OR4D2: variants seen among roughly 807,000 people sequenced by gnomAD.
OR4D2 encodes the protein olfactory receptor 4D2.
In OR4D2, 9 loss-of-function variants were observed where a neutral mutation model predicts 12.4. The observed-to-expected ratio is 0.73, with a 90% CI of 0.44 to 1.27. The LOEUF is 1.27. Ranked by LOEUF, OR4D2 falls within the 50% of genes most tolerant of loss-of-function variation. OR4D2 has a pLI of 0.00. For synonymous variants in OR4D2, 151 were observed against 151.1 expected (o/e 1.00, Z 0.01); for missense variants, 373 against 381.6 (o/e 0.98, Z 0.19).
At chr17:58,168,466 C>T (rs1468895114) in intron 1 of OR4D2, among the ~76,000 whole-genome samples, 1 of 152,142 alleles carries the variant, frequency 6.6e-6, no homozygotes, top group African/African-American at 2.4e-5. Flanking sequence ...CCTCCGCCTC[C>T]CAAATTTCTG....
chr17:58,170,317 T>A lies in OR4D2; in HGVS notation c.662T>A (p.Ile221Asn). The change falls in exon 2 of 2, where the codon ATC (isoleucine) becomes AAC (asparagine). Residue 221 changes from isoleucine (I) to asparagine (N), a missense_variant. By Grantham distance (149) the Ile-to-Asn change is moderately radical. Coordinates refer to ENST00000545221, the MANE Select transcript of OR4D2 (RefSeq NM_001004707.4). ...FFLLLMSYLF[I>N]LVMLRSHPGE... ...CTCCTCCTGATGTCCTACTTATTCA[T>A]CCTGGTGATGCTGAGGTCACATCCA... 1.2e-6 allele frequency: 2 copies of A among 1,614,212 alleles called. No individual in the cohort carries two copies. The highest frequency in any genetic ancestry group is 2.2e-5 in the South Asian group (2 of 91,084).
rs148329869 is a variant in OR4D2, at chr17:58,170,452, C to T, written c.797C>T (p.Pro266Leu). Residue 266 changes from proline (P) to leucine (L), a missense_variant, in exon 2 of 2, where the codon CCT (proline) becomes CTT (leucine). Physicochemically the swap from Pro to Leu is moderately conservative, Grantham distance 98. Coordinates refer to ENST00000545221, the MANE Select transcript of OR4D2 (RefSeq NM_001004707.4). The part of the protein sequence containing the change: ...YLYARPFTPF[P>L]MDKLVSIGHT... ...TATGCCCGGCCCTTCACTCCATTCCCTATGGACAAGCTTGTGTCCATCGGC... is the reference window on the plus strand; with the variant it reads ...TATGCCCGGCCCTTCACTCCATTCCTTATGGACAAGCTTGTGTCCATCGGC... 181 of 1,614,204 alleles carry T rather than the reference C, an allele frequency of 1.1e-4. No individual in the cohort carries two copies. The African/African-American group carries it at 2.2e-3, about 19-fold the overall frequency.
chr17:58,167,999 C>CA (rs1165311786), intron 1 of OR4D2, among the ~76,000 whole-genome samples: 2,814 of 39,188 alleles, frequency 0.072, 280 homozygotes, highest in Non-Finnish European at 0.085. Context: ...GACTCCGTCA[C>CA]AAAAAAAAAA....
chr17:58,167,951 G>A (rs1967909191), intron 1 of OR4D2, among the ~76,000 whole-genome samples: 2 of 138,102 alleles, frequency 1.4e-5, no homozygotes, highest in Admixed American at 7.5e-5. Context: ...TGCAGTGAGT[G>A]AGCCGAGATC....
At chr17:58,168,503 C>T (rs1384360741) in intron 1 of OR4D2, among the ~76,000 whole-genome samples, 26 of 152,180 alleles carry the variant, frequency 1.7e-4, no homozygotes. Context: ...CCACCTCTCC[C>T]GGCTCCTCCA....
rs1270661756 is a variant in OR4D2 at position 58,167,541 on chromosome 17, TGAGA to T, written c.-19+494_-19+497del. 3.3e-5 allele frequency among the ~76,000 whole-genome samples: 5 copies of T among 152,290 alleles called. No individual in the cohort carries two copies. The East Asian group carries it at 9.6e-4, about 29-fold the overall frequency. On this transcript the variant is annotated intron_variant, in intron 1 of 1. Coordinates refer to ENST00000545221, the MANE Select transcript of OR4D2 (RefSeq NM_001004707.4). ...TTTTTTATAGTCTTGTATGAAATGC[TGAGA>T]GAGAGTTGCATGCACGTATGTAGGT... is the stretch of plus-strand genomic sequence containing the variant.
chr17:58,170,099 C>T lies in OR4D2; in HGVS notation c.444C>T (p.Thr148=). 1.2e-6 allele frequency: 2 copies of T among 1,614,118 alleles called. No homozygotes were observed. The highest frequency in any genetic ancestry group is 1.7e-6 in the Non-Finnish European group (2 of 1,180,016). ...TQLWVGLVVA[T]WVGGFVHSIV... The stretch of plus-strand genomic sequence containing the variant: ...TCTGGGTGGGGCTGGTGGTAGCCAC[C>T]TGGGTGGGAGGCTTTGTCCACTCTA... The change falls in exon 2 of 2, where the codon ACC becomes ACT. Residue 148 remains threonine, a synonymous_variant. Transcript: ENST00000545221.
In OR4D2 at chr17:58,170,894, T is replaced by C. The variant is rs1167535212; in HGVS notation, c.*315T>C. 1 of 369,546 alleles carries C rather than the reference T, an allele frequency of 2.7e-6. No individual in the cohort carries two copies. Among genetic ancestry groups the C allele is most frequent in the Admixed American group, 4.5e-5 (1 of 22,466 alleles). The allele number at this position is 369,546 out of a possible 1,614,324, so 22.9% of individuals were successfully genotyped here. A position where few individuals can be genotyped will look rare whatever the true frequency, so the allele number is the denominator to read the frequency against. ...ATTTCCCCTGTGCGAACATTTCTATTTTCCGTATTTTGAGCTCTCTTCCCA... is the reference window on the plus strand; with the variant it reads ...ATTTCCCCTGTGCGAACATTTCTATCTTCCGTATTTTGAGCTCTCTTCCCA... On this transcript the variant is annotated 3_prime_UTR_variant, in exon 2 of 2. Transcript: ENST00000545221.
At chr17:58,169,261 G>A (rs1300931249) in intron 1 of OR4D2, 5 of 237,936 alleles carry the variant, frequency 2.1e-5, no homozygotes, top group Non-Finnish European at 3.3e-5. Flanking sequence ...TACAAAGCAG[G>A]TATTTTTATT....
chr17:58,169,736 GT>G lies in OR4D2; in HGVS notation c.84del (p.Leu29Ter). 1 of 1,614,016 alleles carries G rather than the reference GT, an allele frequency of 6.2e-7. No homozygotes were observed. Among genetic ancestry groups the G allele is most frequent in the South Asian group, 1.1e-5 (1 of 91,074 alleles). ...AGACTCGGGAGCTCCAGCGTTTCCT[GT>G]TTCTAATGTTCCTGTTTGTCTACAT... ...SQTRELQRFL[F>X]LMFLFVYITT... On this transcript the variant is annotated frameshift_variant, in exon 2 of 2. Coordinates refer to ENST00000545221, the MANE Select transcript of OR4D2 (RefSeq NM_001004707.4). LOFTEE classifies it high-confidence loss of function.
At chr17:58,169,216 A>G (rs185380178) in intron 1 of OR4D2, among the ~76,000 whole-genome samples, 7 of 152,338 alleles carry the variant, frequency 4.6e-5, no homozygotes, top group Admixed American at 2.6e-4. Context: ...TAGGAACTTT[A>G]TATCTATCAT....
At position 58,170,067 on chromosome 17, in the gene OR4D2, A is replaced by C. The variant is rs767567368; in HGVS notation, c.412A>C (p.Thr138Pro). The C allele has an allele frequency of 1.2e-6, 2 of 1,613,544 alleles. No individual in the cohort carries two copies. Among genetic ancestry groups the C allele is most frequent in the Admixed American group, 3.3e-5 (2 of 59,958 alleles). The stretch of plus-strand genomic sequence containing the variant: ...CCTCCGCTATGTCACCGTCATGAAC[A>C]CTCAGCTCTGGGTGGGGCTGGTGGT... ...RPLRYVTVMN[T>P]QLWVGLVVAT... Residue 138 changes from threonine (T) to proline (P), a missense_variant, in exon 2 of 2, where the codon ACT becomes CCT. Physicochemically the swap from Thr to Pro is conservative, Grantham distance 38. Transcript: ENST00000545221.
At position 58,169,945 on chromosome 17, in the gene OR4D2, G is replaced by C. The variant is rs80043692; in HGVS notation, c.290G>C (p.Cys97Ser). The C allele has an allele frequency of 0.11, 177,380 of 1,613,762 alleles. 10,567 individuals carry two copies. Among genetic ancestry groups the C allele is most frequent in the South Asian group, 0.15 (13,349 of 91,074 alleles). ...AAGAAAACCATCTCTTACCAGGGCT[G>C]CATGGGTCAGATCTTCTTCTTCCAC... ...SEKKTISYQG[C>S]MGQIFFFHFL... The change falls in exon 2 of 2, where the codon TGC becomes TCC. Residue 97 changes from cysteine (C) to serine (S), a missense_variant. Transcript: ENST00000545221.
rs760256328 is a variant in OR4D2, at chr17:58,169,825, C to A, written c.170C>A (p.Thr57Lys). The change falls in exon 2 of 2, where the codon ACA (threonine) becomes AAA (lysine). Residue 57 changes from threonine to lysine, a missense_variant. Transcript: ENST00000545221. ...ITVTSDSQLH[T>K]PMYFLLRNLA... ...GTGACCTCTGATTCCCAGCTCCACA[C>A]ACCCATGTACTTTCTGCTCCGAAAC... 3 of 1,614,196 alleles carry A rather than the reference C, an allele frequency of 1.9e-6. No homozygotes were observed. Among genetic ancestry groups the A allele is most frequent in the South Asian group, 2.2e-5 (2 of 91,078 alleles).
At chr17:58,167,356 T>C (rs1967902674) in intron 1 of OR4D2, among the ~76,000 whole-genome samples, 3 of 152,164 alleles carry the variant, frequency 2.0e-5, no homozygotes, top group Admixed American at 1.3e-4. Context: ...TTATCGCCTC[T>C]AGGTTGAGAA....
chr17:58,169,436 C>T, intron 1 of OR4D2: 2 of 587,900 alleles, frequency 3.4e-6, no homozygotes, highest in South Asian at 4.1e-5. Context: ...GTTGTATATA[C>T]TTCTGGATGG....
At position 58,170,182 on chromosome 17, in the gene OR4D2, A is replaced by G. The variant is rs760997624; in HGVS notation, c.527A>G (p.Asn176Ser). ...LPFCGPNILD[N>S]FYCDVPQVLR... The stretch of plus-strand genomic sequence containing the variant: ...TTCTGTGGCCCCAACATTTTGGATA[A>G]CTTCTACTGTGATGTTCCCCAAGTA... Residue 176 changes from asparagine to serine, a missense_variant, in exon 2 of 2, where the codon AAC becomes AGC. Physicochemically the swap from Asn to Ser is conservative, Grantham distance 46 (BLOSUM62 1). Transcript: ENST00000545221. The G allele has an allele frequency of 6.2e-7, 1 of 1,614,046 alleles. No homozygotes were observed. The highest frequency in any genetic ancestry group is 8.5e-7 in the Non-Finnish European group (1 of 1,179,998).
Position 58,169,787 on chromosome 17 carries a change from TATC to T in OR4D2, c.140_142del (p.Ile47del). 1 of 1,614,116 alleles carries T rather than the reference TATC, an allele frequency of 6.2e-7. No homozygotes were observed. Among genetic ancestry groups the T allele is most frequent in the Non-Finnish European group, 8.5e-7 (1 of 1,179,968 alleles). On this transcript the variant is annotated inframe_deletion, in exon 2 of 2. Coordinates refer to ENST00000545221, the MANE Select transcript of OR4D2 (RefSeq NM_001004707.4). ...TCACCACTGTTATGGGAAACATCCTTATCATCATCACAGTGACCTCTGATTCCC... is the reference window on the plus strand; with the variant it reads ...TCACCACTGTTATGGGAAACATCCTTATCATCACAGTGACCTCTGATTCCC...
chr17:58,167,838 C>A (rs1286707377), intron 1 of OR4D2, among the ~76,000 whole-genome samples: 3 of 150,982 alleles, frequency 2.0e-5, no homozygotes, highest in African/African-American at 7.3e-5. Context: ...ACAGTGAAAC[C>A]GTGTTACAAA....
Sources: gnomAD v4.1 joint callset for allele counts (sites outside exome capture counted in the v4.1 genomes callset) on GRCh38, gnomAD v4.1.1 for gene constraint, MANE v1.5 for transcripts, NCBI Gene and HGNC (gene_info 2026-07-23, HGNC 2026-07-21) for gene names.